Variants in KCNT2 observed in about 807,000 individuals in gnomAD.
KCNT2 encodes the protein potassium sodium-activated channel subfamily T member 2.
A neutral mutation model predicts 153.8 loss-of-function variants in KCNT2; 67 were observed. The ratio of observed to expected loss-of-function variants is 0.44; its 90% CI spans 0.36 to 0.53. KCNT2 has a LOEUF of 0.53. KCNT2 is among the 20% of genes least tolerant of loss of function. The probability of loss-of-function intolerance (pLI) is 0.00; values close to 1 mark genes in which losing one functional copy is unlikely to be tolerated. For missense variants in KCNT2, 975 were observed against 1,354.8 expected (o/e 0.72, Z 4.40); for synonymous variants, 500 against 458.8 (o/e 1.09, Z -1.15).
rs1311422132 is a variant in KCNT2 at position 196,399,441 on chromosome 1, T to C, written c.1186-770A>G. Among the ~76,000 whole-genome samples, 3 of 151,782 alleles carry C rather than the reference T, an allele frequency of 2.0e-5. No individual in the cohort carries two copies. In the East Asian group the frequency reaches 5.8e-4, roughly 30 times the overall value. On this transcript the variant is annotated intron_variant, in intron 12 of 27. Transcript: ENST00000294725. The stretch of plus-strand genomic sequence containing the variant: ...TGAAGTAACTAAACTTAAACAAAGT[T>C]AAGAATGTAATTACTCAATCACACT...
intron 26 of KCNT2, among the ~76,000 whole-genome samples, chr1:196,249,203 T>C (rs1264543887): frequency 1.3e-5 from 2 of 152,032 alleles, no homozygotes; most frequent in Non-Finnish European, 2.9e-5. Flanking sequence ...TCATACTGAG[T>C]AGGGAAAAAC....
intron 1 of KCNT2, among the ~76,000 whole-genome samples, chr1:196,591,131 C>T (rs1209149032): frequency 6.6e-6 from 1 of 152,034 alleles, no homozygotes; most frequent in African/African-American, 2.4e-5. Flanking sequence ...GAGGGCGGAT[C>T]CTTCATGAAT....
At chr1:196,262,387 A>G (rs1008525279) in intron 25 of KCNT2, among the ~76,000 whole-genome samples, 1 of 152,040 alleles carries the variant, frequency 6.6e-6, no homozygotes, top group African/African-American at 2.4e-5. Context: ...TACAGACTTC[A>G]TAGTACTCTA....
intron 25 of KCNT2, among the ~76,000 whole-genome samples, chr1:196,261,212 C>G (rs557096910): frequency 6.6e-6 from 1 of 152,000 alleles, no homozygotes; most frequent in Admixed American, 6.6e-5. Flanking sequence ...CTCCTGAACT[C>G]AGAGTCACAA....
intron 27 of KCNT2, among the ~76,000 whole-genome samples, chr1:196,230,885 G>C (rs559935356): frequency 7.7e-4 from 117 of 152,108 alleles, no homozygotes; most frequent in Admixed American, 2.7e-3. Flanking sequence ...TGACAAAGTA[G>C]CAGCAGGGTT....
intron 13 of KCNT2, among the ~76,000 whole-genome samples, chr1:196,375,457 T>C (rs182154814): frequency 6.6e-6 from 1 of 151,852 alleles, no homozygotes; most frequent in Non-Finnish European, 1.5e-5. Context: ...TACTTTATTA[T>C]GTTTAGCATT....
At chr1:196,438,466 G>A (rs1048725517) in intron 8 of KCNT2, among the ~76,000 whole-genome samples, 1 of 151,698 alleles carries the variant, frequency 6.6e-6, no homozygotes, top group Non-Finnish European at 1.5e-5. Flanking sequence ...GTGGAAATAT[G>A]GGCGATCATA....
chr1:196,571,666 G>A (rs1483284687), intron 1 of KCNT2, among the ~76,000 whole-genome samples: 1 of 152,016 alleles, frequency 6.6e-6, no homozygotes, highest in African/African-American at 2.4e-5. Context: ...TCAAACTAGA[G>A]TCCAAATGGT....
At chr1:196,467,983 G>A (rs1358769986) in intron 6 of KCNT2, among the ~76,000 whole-genome samples, 197 bp from the exon 7 acceptor site, 2 of 152,010 alleles carry the variant, frequency 1.3e-5, no homozygotes, top group Non-Finnish European at 2.9e-5. Context: ...CTTTCTTAGG[G>A]AAATTATTGC....
At chr1:196,410,562 T>C (rs1182662869) in intron 12 of KCNT2, among the ~76,000 whole-genome samples, 1 of 150,564 alleles carries the variant, frequency 6.6e-6, no homozygotes, top group Non-Finnish European at 1.5e-5. Context: ...AAACTTAAAG[T>C]ATAATAAAAA....
intron 1 of KCNT2, among the ~76,000 whole-genome samples, chr1:196,554,125 A>G (rs991802043): frequency 4.6e-5 from 7 of 151,302 alleles, no homozygotes; most frequent in Non-Finnish European, 8.9e-5. Flanking sequence ...ACAAGAGCCA[A>G]CCAAACCCCA....
At chr1:196,462,808 T>G (rs1557967544) in intron 8 of KCNT2, among the ~76,000 whole-genome samples, 1 of 151,766 alleles carries the variant, frequency 6.6e-6, no homozygotes, top group Non-Finnish European at 1.5e-5. Context: ...CTTTTATCAC[T>G]TAGTACCAAG....
At chr1:196,252,327 A>C (rs1204166259) in intron 26 of KCNT2, among the ~76,000 whole-genome samples, 1 of 151,726 alleles carries the variant, frequency 6.6e-6, no homozygotes, top group Non-Finnish European at 1.5e-5. Context: ...CATCTACTAA[A>C]TTCTTACATT....
chr1:196,426,054 A>T (rs1673631699), intron 10 of KCNT2, 66 bp from the exon 11 acceptor site: 8 of 1,231,286 alleles, frequency 6.5e-6, no homozygotes, highest in Non-Finnish European at 9.2e-6. Flanking sequence ...ACATAGAAAA[A>T]TAAAATATCT....
intron 1 of KCNT2, among the ~76,000 whole-genome samples, chr1:196,499,165 A>G (rs1172691477): frequency 6.6e-6 from 1 of 152,186 alleles, no homozygotes; most frequent in Non-Finnish European, 1.5e-5. Context: ...CCTGGAAAAG[A>G]CAAGGAAAGA....
intron 13 of KCNT2, among the ~76,000 whole-genome samples, chr1:196,390,903 TTTTTTA>T (rs1162005077): frequency 2.0e-5 from 3 of 149,106 alleles, no homozygotes; most frequent in Non-Finnish European, 4.5e-5. Context: ...TTTTTTTTTT[TTTTTTA>T]AAAAAAAACA....
chr1:196,603,946 G>C lies in KCNT2; in HGVS notation c.95+4269C>G, dbSNP rs1277183006. On this transcript the variant is annotated intron_variant, in intron 1 of 27. Coordinates refer to ENST00000294725, the MANE Select transcript of KCNT2 (RefSeq NM_198503.5). ...AACTTATCAGTGTTTAACTGCAGGA[G>C]AATACTCTAAATCTTTACTGCTTTG... 2.0e-5 allele frequency among the ~76,000 whole-genome samples: 3 copies of C among 152,238 alleles called. No individual in the cohort carries two copies. In the South Asian group the frequency reaches 6.2e-4, roughly 32 times the overall value.
intron 14 of KCNT2, among the ~76,000 whole-genome samples, chr1:196,368,798 G>A (rs936247374): frequency 6.6e-6 from 1 of 151,850 alleles, no homozygotes; most frequent in African/African-American, 2.4e-5. Context: ...TCACATTTGT[G>A]AGCCTGACTG....
intron 21 of KCNT2, among the ~76,000 whole-genome samples, chr1:196,311,946 CT>C (rs1410583862): frequency 6.6e-6 from 1 of 151,724 alleles, no homozygotes; most frequent in Non-Finnish European, 1.5e-5. Flanking sequence ...TGGGTTTAAA[CT>C]TTGTTTAGAT....
Sources: allele counts gnomAD v4.1 joint callset (sites outside exome capture counted in the v4.1 genomes callset), GRCh38; gene constraint gnomAD v4.1.1; transcripts MANE v1.5; gene names NCBI Gene and HGNC (gene_info 2026-07-23, HGNC 2026-07-21).